The following UNC13C variants were observed in gnomAD, a reference collection of about 807,000 sequenced individuals.
UNC13C encodes the protein protein unc-13 homolog C.
UNC13C carries 174 observed loss-of-function variants against 245.4 expected under a neutral mutation model. That is an observed-to-expected ratio of 0.71 (90% CI 0.63 to 0.80). The LOEUF (loss-of-function observed/expected upper bound fraction) is 0.80. Ranked by LOEUF, UNC13C falls within the 30% of genes least tolerant of loss-of-function variation. UNC13C has a pLI of 0.00. For missense variants in UNC13C, 2,829 were observed against 2,602.9 expected (o/e 1.09, Z -1.89); for synonymous variants, 992 against 895.1 (o/e 1.11, Z -1.93).
intron 30 of UNC13C, among the ~76,000 whole-genome samples, chr15:54,588,572 T>A (rs144331090): frequency 6.6e-6 from 1 of 152,328 alleles, no homozygotes; most frequent in African/African-American, 2.4e-5. Flanking sequence ...CTTTAGTGAT[T>A]TGTGAGTGTA....
intron 19 of UNC13C, among the ~76,000 whole-genome samples, chr15:54,463,729 G>C (rs72736520): frequency 0.012 from 1,850 of 152,212 alleles, 11 homozygotes; most frequent in Middle Eastern, 0.02. Flanking sequence ...CTTCATTCTT[G>C]AAATCAGTTA....
the UNC13C span, among the ~76,000 whole-genome samples, chr15:53,887,850 A>T: frequency 6.6e-6 from 1 of 152,230 alleles, no homozygotes; most frequent in Admixed American, 6.5e-5. Context: ...GAAGACTTCC[A>T]GCTTCATCCA....
In UNC13C at chr15:54,297,683, A is replaced by C. The variant is rs1266888856; in HGVS notation, c.3989-128A>C. ...CATGGTTACTTAATAAGCAGCTCTG[A>C]CTCAGAAAAATAGCTTTTAGCTACT... On this transcript the variant is annotated intron_variant, in intron 11 of 32. Coordinates refer to ENST00000260323, the MANE Select transcript of UNC13C (RefSeq NM_001080534.3). The C allele has an allele frequency of 4.3e-6, 3 of 695,974 alleles. No homozygotes were observed. The African/African-American group carries it at 5.5e-5, about 13-fold the overall frequency. The allele number at this position is 695,974 out of a possible 1,614,324, so 43.1% of individuals were successfully genotyped here. A position where few individuals can be genotyped will look rare whatever the true frequency, so the allele number is the denominator to read the frequency against.
intron 30 of UNC13C, among the ~76,000 whole-genome samples, chr15:54,596,181 G>A (rs1452015276): frequency 6.6e-6 from 1 of 152,056 alleles, no homozygotes; most frequent in Admixed American, 6.6e-5. Flanking sequence ...CCATCTCAGA[G>A]GTTATCTTTA....
At chr15:54,259,111 A>C (rs1374624762) in intron 8 of UNC13C, among the ~76,000 whole-genome samples, 1 of 152,202 alleles carries the variant, frequency 6.6e-6, no homozygotes, top group African/African-American at 2.4e-5. Context: ...CACTAATCCC[A>C]TTCTTGAGGG....
chr15:54,181,485 GTTTGTT>G (rs151206437), intron 4 of UNC13C, among the ~76,000 whole-genome samples: 15,550 of 151,158 alleles, frequency 0.1, 1,290 homozygotes, highest in African/African-American at 0.23. Flanking sequence ...TTTGTTTTTT[GTTTGTT>G]TTTGTTTTTT....
chr15:54,355,148 T>A (rs2039066389), intron 17 of UNC13C, among the ~76,000 whole-genome samples: 1 of 149,652 alleles, frequency 6.7e-6, no homozygotes, highest in Admixed American at 6.7e-5. Context: ...CTTCTCAGCC[T>A]CTGCAATTAT....
Position 54,623,584 on chromosome 15 carries a change from C to T in UNC13C, c.6200-211C>T, listed in dbSNP as rs552564646. Among the ~76,000 whole-genome samples, 45 of 152,308 alleles carry T rather than the reference C, an allele frequency of 3.0e-4. 2 individuals are homozygous for T. The South Asian group carries it at 9.3e-3, about 32-fold the overall frequency. On this transcript the variant is annotated intron_variant, in intron 31 of 32. Transcript: ENST00000260323. The stretch of plus-strand genomic sequence containing the variant: ...TATCATTTTAATTGCAGCTAACTAA[C>T]TTTTCACCAAAGCTACACAGCTTAA...
At chr15:54,617,008 G>T (rs1177400419) in intron 30 of UNC13C, among the ~76,000 whole-genome samples, 1 of 152,050 alleles carries the variant, frequency 6.6e-6, no homozygotes, top group South Asian at 2.1e-4. Context: ...TACTGTAAAG[G>T]TTTGTAGCCT....
chr15:54,310,148 C>G (rs1220877199), intron 13 of UNC13C, among the ~76,000 whole-genome samples: 2 of 151,568 alleles, frequency 1.3e-5, no homozygotes, highest in Non-Finnish European at 2.9e-5. Flanking sequence ...TGCAGCACCT[C>G]TGAGTCAGTC....
At chr15:54,507,752 ATTTAT>A (rs939859041) in intron 23 of UNC13C, among the ~76,000 whole-genome samples, 11 of 152,030 alleles carry the variant, frequency 7.2e-5, no homozygotes, top group Non-Finnish European at 1.6e-4. Context: ...ATATAGTAAG[ATTTAT>A]TTTATGATGG....
At chr15:54,357,020 T>C (rs1043313428) in intron 17 of UNC13C, among the ~76,000 whole-genome samples, 5 of 152,148 alleles carry the variant, frequency 3.3e-5, no homozygotes, top group Non-Finnish European at 5.9e-5. Context: ...ATAATTTCTT[T>C]AGATTTTGTT....
intron 4 of UNC13C, among the ~76,000 whole-genome samples, chr15:54,201,474 G>A (rs1377674025): frequency 6.6e-6 from 1 of 151,908 alleles, no homozygotes; most frequent in Non-Finnish European, 1.5e-5. Flanking sequence ...CCAAGATCAA[G>A]TGGGTTTCAT....
chr15:54,185,658 G>GT (rs887638829), intron 4 of UNC13C, among the ~76,000 whole-genome samples: 1 of 146,940 alleles, frequency 6.8e-6, no homozygotes, highest in African/African-American at 2.7e-5. Context: ...GTACCATGCT[G>GT]TTTTGGTTAC....
At chr15:53,887,518 A>T in the UNC13C span, among the ~76,000 whole-genome samples, 1 of 152,136 alleles carries the variant, frequency 6.6e-6, no homozygotes, top group East Asian at 1.9e-4. Flanking sequence ...TTGAAGACGT[A>T]TCAGATATGA....
chr15:54,581,944 T>C lies in UNC13C; in HGVS notation c.6106+13997T>C, dbSNP rs1898220864. On this transcript the variant is annotated intron_variant, in intron 30 of 32. Transcript: ENST00000260323. ...TCAAGAATGTGGAGGCTGGTCTTAG[T>C]CAGTGGGAGACCTAGAAGGAGAGGA... 3.3e-5 allele frequency among the ~76,000 whole-genome samples: 5 copies of C among 151,988 alleles called. No individual in the cohort carries two copies. The South Asian group carries it at 1.0e-3, about 32-fold the overall frequency.
At chr15:53,886,103 A>G in the UNC13C span, among the ~76,000 whole-genome samples, 1 of 152,304 alleles carries the variant, frequency 6.6e-6, no homozygotes, top group Non-Finnish European at 1.5e-5. Context: ...TCATGTTTAG[A>G]TGGTTACATA....
chr15:53,996,759 T>C (rs1894652644), intron 1 of UNC13C, among the ~76,000 whole-genome samples: 1 of 152,048 alleles, frequency 6.6e-6, no homozygotes. Flanking sequence ...CAGCATAATG[T>C]TTATGAATGT....
chr15:54,437,838 A>T (rs918677141), intron 19 of UNC13C, among the ~76,000 whole-genome samples: 5 of 151,920 alleles, frequency 3.3e-5, no homozygotes, highest in African/African-American at 1.2e-4. Flanking sequence ...CCAAGTTTTG[A>T]AATCCATGAA....
Sources: gnomAD v4.1 joint callset for allele counts (sites outside exome capture counted in the v4.1 genomes callset) on GRCh38, gnomAD v4.1.1 for gene constraint, MANE v1.5 for transcripts, NCBI Gene and HGNC (gene_info 2026-07-23, HGNC 2026-07-21) for gene names.